The following VWA3B variants were observed in gnomAD, a reference collection of about 807,000 sequenced individuals.
VWA3B encodes von Willebrand factor A domain-containing protein 3B.
Under a neutral mutation model 158.3 loss-of-function variants are expected in VWA3B, and 138 were observed. The ratio of observed to expected loss-of-function variants is 0.87; its 90% CI spans 0.76 to 1.00. The LOEUF (loss-of-function observed/expected upper bound fraction) is 1.00. Ranked by LOEUF, VWA3B falls within the 50% of genes least tolerant of loss-of-function variation. The pLI, the probability that VWA3B is intolerant of heterozygous loss-of-function variation, is 0.00. For synonymous variants in VWA3B, 596 were observed against 587.3 expected (o/e 1.01, Z -0.21); for missense variants, 1,555 against 1,565.1 (o/e 0.99, Z 0.11).
chr2:98,206,767 G>A, intron 12 of VWA3B: 1 of 345,928 alleles, frequency 2.9e-6, no homozygotes, highest in Non-Finnish European at 5.7e-6. Context: ...TTTTAGTGGT[G>A]TTGGAGTTGA....
At chr2:98,115,847 C>T (rs1674493089) in intron 3 of VWA3B, 101 bp downstream of exon 3, 11 of 949,334 alleles carry the variant, frequency 1.2e-5, no homozygotes, top group Non-Finnish European at 1.6e-5. Context: ...GGCAGGGATG[C>T]AGCTGAGCCA....
chr2:98,187,339 TAGA>T (rs1005484378), intron 9 of VWA3B, among the ~76,000 whole-genome samples: 4 of 152,122 alleles, frequency 2.6e-5, no homozygotes, highest in Admixed American at 2.6e-4. Flanking sequence ...CCTGGTGTCT[TAGA>T]AGGTCTCCTA....
chr2:98,276,240 T>G (rs553096909), intron 22 of VWA3B, among the ~76,000 whole-genome samples: 1 of 152,298 alleles, frequency 6.6e-6, no homozygotes, highest in South Asian at 2.1e-4. Flanking sequence ...CTCCTTTCCA[T>G]GTGTGATAGA....
intron 26 of VWA3B, among the ~76,000 whole-genome samples, chr2:98,306,705 A>G (rs1017006921): frequency 1.3e-5 from 2 of 152,208 alleles, no homozygotes; most frequent in Non-Finnish European, 2.9e-5. Context: ...TTATTTTAGA[A>G]TGAAAATGCA....
chr2:98,110,945 T>C (rs1029214908), intron 2 of VWA3B, among the ~76,000 whole-genome samples: 1 of 152,248 alleles, frequency 6.6e-6, no homozygotes, highest in Non-Finnish European at 1.5e-5. Context: ...TGCCTGCTGC[T>C]GTCCATGTAA....
chr2:98,226,403 C>T (rs1159447117), intron 14 of VWA3B, among the ~76,000 whole-genome samples: 2 of 152,188 alleles, frequency 1.3e-5, no homozygotes, highest in Admixed American at 6.5e-5. Context: ...AAACCTCATA[C>T]CTCATGGACA....
chr2:98,156,833 T>C (rs953476172), intron 7 of VWA3B, among the ~76,000 whole-genome samples: 1 of 152,182 alleles, frequency 6.6e-6, no homozygotes, highest in African/African-American at 2.4e-5. Flanking sequence ...TGAGCATCTT[T>C]GCATCTGTTC....
chr2:98,233,790 A>G (rs758234098), intron 16 of VWA3B, among the ~76,000 whole-genome samples: 3 of 152,232 alleles, frequency 2.0e-5, no homozygotes, highest in Non-Finnish European at 4.4e-5. Flanking sequence ...GAAAACACAG[A>G]CACATTTCAT....
At chr2:98,209,307 G>A (rs1683296372) in intron 12 of VWA3B, among the ~76,000 whole-genome samples, 1 of 151,980 alleles carries the variant, frequency 6.6e-6, no homozygotes, top group South Asian at 2.1e-4. Context: ...TTGAGATGGA[G>A]TCTTGTACTG....
At chr2:98,229,899 G>T in intron 15 of VWA3B, 151 bp from the exon 16 acceptor site, 1 of 843,100 alleles carries the variant, frequency 1.2e-6, no homozygotes, top group Non-Finnish European at 1.7e-6. Context: ...AGGGATAAAT[G>T]ACTATTTTTA....
intron 7 of VWA3B, among the ~76,000 whole-genome samples, chr2:98,149,921 T>C (rs975367466): frequency 1.3e-5 from 2 of 152,250 alleles, no homozygotes; most frequent in Non-Finnish European, 2.9e-5. Context: ...CAAGTTCTGA[T>C]TTCATTTAAT....
chr2:98,092,832 A>G (rs1351104040), intron 1 of VWA3B, among the ~76,000 whole-genome samples: 4 of 119,332 alleles, frequency 3.4e-5, no homozygotes, highest in Non-Finnish European at 5.2e-5. Context: ...ATATATATAT[A>G]TATATATATA....
At chr2:98,130,756 A>G (rs1675798485) in intron 6 of VWA3B, among the ~76,000 whole-genome samples, 2 of 152,372 alleles carry the variant, frequency 1.3e-5, no homozygotes, top group South Asian at 2.1e-4. Context: ...TTCTTAGTAC[A>G]GAACAAAATG....
At chr2:98,198,803 A>G (rs1334426923) in intron 12 of VWA3B, among the ~76,000 whole-genome samples, 1 of 152,076 alleles carries the variant, frequency 6.6e-6, no homozygotes, top group Non-Finnish European at 1.5e-5. Flanking sequence ...TCTTTCACTT[A>G]CCAAAATAAC....
chr2:98,248,508 T>C (rs2105790437), intron 19 of VWA3B, among the ~76,000 whole-genome samples: 2 of 152,170 alleles, frequency 1.3e-5, no homozygotes, highest in African/African-American at 4.8e-5. Flanking sequence ...ATTCAAAGAG[T>C]GCCTTGATTT....
chr2:98,257,298 G>A (rs1455792469), intron 21 of VWA3B, among the ~76,000 whole-genome samples: 2 of 151,960 alleles, frequency 1.3e-5, no homozygotes, highest in Non-Finnish European at 2.9e-5. Context: ...GCAAATGATA[G>A]GATTTTGTTC....
At chr2:98,228,413 G>A in intron 15 of VWA3B, 81 bp downstream of exon 15, 2 of 1,447,724 alleles carry the variant, frequency 1.4e-6, no homozygotes, top group African/African-American at 1.4e-5. Context: ...TGTCCTTTCT[G>A]AAATGCTCTG....
At chr2:98,192,782 G>A in intron 10 of VWA3B, 116 bp from the exon 11 acceptor site, 1 of 1,409,158 alleles carries the variant, frequency 7.1e-7, no homozygotes, top group Non-Finnish European at 9.9e-7. Flanking sequence ...CAGAAGATTG[G>A]GTATAAACAA....
intron 25 of VWA3B, among the ~76,000 whole-genome samples, chr2:98,302,813 TGAG>T (rs2105994121): frequency 6.6e-6 from 1 of 152,224 alleles, no homozygotes; most frequent in Admixed American, 6.5e-5. Flanking sequence ...GACTGTGGCA[TGAG>T]GTAGTTCCAC....
Sources: gnomAD v4.1 joint callset for allele counts (sites outside exome capture counted in the v4.1 genomes callset) on GRCh38, gnomAD v4.1.1 for gene constraint, MANE v1.5 for transcripts, NCBI Gene and HGNC (gene_info 2026-07-23, HGNC 2026-07-21) for gene names.